The following EIF4E variants were observed in gnomAD, a reference collection of about 807,000 sequenced individuals.
EIF4E encodes eIF-4F 25 kDa subunit.
For synonymous variants in EIF4E, 71 were observed against 88.5 expected, an observed-to-expected ratio of 0.80 and a Z score of 1.11; for missense variants, 113 against 265.6, an observed-to-expected ratio of 0.43 and a Z score of 3.99.
intron 1 of EIF4E, among the ~76,000 whole-genome samples, chr4:98,921,007 T>A (rs1725621361): frequency 6.6e-6 from 1 of 152,184 alleles, no homozygotes; most frequent in Non-Finnish European, 1.5e-5. Context: ...CTTATGTTAA[T>A]TATGAGTTCT....
chr4:98,887,947 T>A lies in EIF4E; in HGVS notation c.227A>T (p.Tyr76Phe). Residue 76 changes from tyrosine to phenylalanine, a missense_variant, in exon 4 of 7, where the codon TAC (tyrosine) becomes TTC (phenylalanine). Physicochemically the swap from Tyr to Phe is conservative, Grantham distance 22. Transcript: ENST00000450253. This position sits in a 1 kb window ranked among gnomAD's most constrained non-coding sequence, Gnocchi z 4.0. ...ATTACTAGACAACTGGATATGGTTGTACAGACTAGGTAAAAGAAAATAACA... is the reference window on the plus strand; with the variant it reads ...ATTACTAGACAACTGGATATGGTTGAACAGACTAGGTAAAAGAAAATAACA... ...FDTVEDFWAL[Y>F]NHIQLSSNLM... 6.2e-7 allele frequency: 1 copy of A among 1,612,020 alleles called. No homozygotes were observed. The highest frequency in any genetic ancestry group is 8.5e-7 in the Non-Finnish European group (1 of 1,179,014).
chr4:98,909,355 G>A (rs1725009961), intron 1 of EIF4E, among the ~76,000 whole-genome samples: 1 of 152,126 alleles, frequency 6.6e-6, no homozygotes, highest in Non-Finnish European at 1.5e-5. Flanking sequence ...GTTCCTTGTA[G>A]TATCTACTGT....
At chr4:98,905,981 C>G (rs1724853959) in intron 1 of EIF4E, among the ~76,000 whole-genome samples, 1 of 152,168 alleles carries the variant, frequency 6.6e-6, no homozygotes, top group Admixed American at 6.5e-5. Flanking sequence ...ATAAATCTGA[C>G]TAAACTTTAG....
Position 98,885,479 on chromosome 4 carries a change from G to C in EIF4E, c.400-418C>G, listed in dbSNP as rs528638827. The stretch of plus-strand genomic sequence containing the variant: ...TTGTTGTTGTTTGAGACAGGGTCTT[G>C]CTCTGTCACCCTGGCTGGAGTGCAG... On this transcript the variant is annotated intron_variant, in intron 5 of 6. Coordinates refer to ENST00000450253, the MANE Select transcript of EIF4E (RefSeq NM_001968.5). Among the ~76,000 whole-genome samples the C allele has an allele frequency of 1.2e-3, 183 of 152,184 alleles. 1 individual carries two copies. Among genetic ancestry groups the C allele is most frequent in the Admixed American group, 2.0e-3 (31 of 15,266 alleles).
intron 1 of EIF4E, among the ~76,000 whole-genome samples, chr4:98,911,852 C>G (rs1438591265): frequency 6.7e-6 from 1 of 149,266 alleles, no homozygotes; most frequent in Non-Finnish European, 1.5e-5. Context: ...AACACAGACA[C>G]AAGAAATAAC....
chr4:98,899,127 G>C (rs1216661071), intron 2 of EIF4E, among the ~76,000 whole-genome samples: 3 of 151,284 alleles, frequency 2.0e-5, no homozygotes, highest in Non-Finnish European at 4.4e-5. Context: ...GTTTCTTTCT[G>C]ACTTAATACT....
At position 98,920,969 on chromosome 4, in the gene EIF4E, T is replaced by C. The variant is rs547166538; in HGVS notation, c.18+8126A>G. Among the ~76,000 whole-genome samples, 106 of 152,324 alleles carry C rather than the reference T, an allele frequency of 7.0e-4. 1 individual carries two copies. Among genetic ancestry groups the C allele is most frequent in the Middle Eastern group, 6.8e-3 (2 of 294 alleles). On this transcript the variant is annotated intron_variant, in intron 1 of 6. Transcript: ENST00000450253. Reference sequence around the variant, plus strand: ...TTTTTACACAAGATAGTAATAAAGCTTGACACTCAGGTTTGAGTTCTCTCT... The same window carrying C: ...TTTTTACACAAGATAGTAATAAAGCCTGACACTCAGGTTTGAGTTCTCTCT...
chr4:98,928,751 G>A, intron 1 of EIF4E: 1 of 1,173,470 alleles, frequency 8.5e-7, no homozygotes, highest in East Asian at 2.8e-5. Flanking sequence ...AGCCGGCCCT[G>A]CGCCTTCCTA....
chr4:98,898,014 G>A (rs1392876048), intron 2 of EIF4E, among the ~76,000 whole-genome samples: 1 of 151,988 alleles, frequency 6.6e-6, no homozygotes, highest in Admixed American at 6.6e-5. Flanking sequence ...GGATTTTAAT[G>A]TAACAAAGTA....
chr4:98,881,725 C>G (rs115821266), intron 6 of EIF4E, among the ~76,000 whole-genome samples: 1 of 152,200 alleles, frequency 6.6e-6, no homozygotes, highest in African/African-American at 2.4e-5. Context: ...TTAAACACTT[C>G]GAGGGAGTGA....
chr4:98,910,771 A>C (rs1223739568), intron 1 of EIF4E, among the ~76,000 whole-genome samples: 1 of 151,408 alleles, frequency 6.6e-6, no homozygotes, highest in African/African-American at 2.4e-5. Flanking sequence ...ACTCTGCCAC[A>C]CAGGCTGGAG....
chr4:98,904,454 G>C (rs1284389944), intron 1 of EIF4E, among the ~76,000 whole-genome samples: 2 of 98,382 alleles, frequency 2.0e-5, no homozygotes, highest in Non-Finnish European at 3.6e-5. Flanking sequence ...GTAAGTAACT[G>C]ATTACTATAG....
rs545469352 is a variant in EIF4E, at chr4:98,887,374, T to TA, written c.286-183dup. 2.0e-3 allele frequency among the ~76,000 whole-genome samples: 307 copies of TA among 152,334 alleles called. 6 individuals carry two copies. Among genetic ancestry groups the TA allele is most frequent in the Admixed American group, 0.018 (279 of 15,302 alleles). On this transcript the variant is annotated intron_variant, in intron 4 of 6. Coordinates refer to ENST00000450253, the MANE Select transcript of EIF4E (RefSeq NM_001968.5). This position sits in a 1 kb window ranked among gnomAD's most constrained non-coding sequence, Gnocchi z 4.0. ...AGCCAGAGGCATGACATTGCAGAATTAGAGTCCTGGCTTTGTCACTTATTA... is the reference window on the plus strand; with the variant it reads ...AGCCAGAGGCATGACATTGCAGAATTAAGAGTCCTGGCTTTGTCACTTATTA...
chr4:98,916,182 C>T (rs1378890618), intron 1 of EIF4E, among the ~76,000 whole-genome samples: 10 of 149,958 alleles, frequency 6.7e-5, no homozygotes, highest in Non-Finnish European at 1.5e-4. Context: ...CAGAGTGAGG[C>T]TCTGTCTCAA....
intron 1 of EIF4E, among the ~76,000 whole-genome samples, chr4:98,919,558 C>CTTTTTTT (rs532537834): frequency 2.3e-5 from 3 of 131,888 alleles, no homozygotes; most frequent in Non-Finnish European, 3.3e-5. Context: ...GATTCTTTTT[C>CTTTTTTT]TTTTTTTTTT....
At chr4:98,914,753 G>A (rs1045572410) in intron 1 of EIF4E, among the ~76,000 whole-genome samples, 3 of 152,098 alleles carry the variant, frequency 2.0e-5, no homozygotes, top group East Asian at 1.9e-4. Context: ...CATCAGGAGT[G>A]AACCCTAATG....
chr4:98,890,934 T>C, intron 3 of EIF4E: 1 of 403,796 alleles, frequency 2.5e-6, no homozygotes, highest in East Asian at 5.3e-5. Context: ...CAAATGTATC[T>C]TGGCAACCAG....
intron 1 of EIF4E, among the ~76,000 whole-genome samples, chr4:98,922,733 T>A (rs188531390): frequency 6.6e-6 from 1 of 152,218 alleles, no homozygotes; most frequent in East Asian, 1.9e-4. Flanking sequence ...CAACTATAAA[T>A]CCATATCCTT....
At chr4:98,913,303 A>G (rs919146553) in intron 1 of EIF4E, among the ~76,000 whole-genome samples, 2 of 152,052 alleles carry the variant, frequency 1.3e-5, no homozygotes, top group African/African-American at 4.8e-5. Flanking sequence ...TGTTTTCTGT[A>G]ACAACTTCTT....
Sources: allele counts gnomAD v4.1 joint callset (sites outside exome capture counted in the v4.1 genomes callset), GRCh38; gene constraint gnomAD v4.1.1; non-coding constraint Gnocchi (gnomAD v3.1); transcripts MANE v1.5; gene names NCBI Gene and HGNC (gene_info 2026-07-23, HGNC 2026-07-21).